CDH9: variants seen among roughly 807,000 people sequenced by gnomAD.
The protein encoded by CDH9 is cadherin-9.
Under a neutral mutation model 70.9 loss-of-function variants are expected in CDH9, and 28 were observed. That is an observed-to-expected ratio of 0.40 (90% CI 0.29 to 0.54). CDH9 has a LOEUF of 0.54. Among genes scored for constraint, CDH9 ranks in the 20% least tolerant of loss-of-function variants. CDH9 has a pLI of 0.59. For synonymous variants in CDH9, 409 were observed against 343.1 expected (o/e 1.19, Z -2.12); for missense variants, 874 against 984.4 (o/e 0.89, Z 1.50).
chr5:26,881,719 T>A, intron 11 of CDH9, 96 bp from the exon 12 acceptor site: 2 of 1,116,618 alleles, frequency 1.8e-6, no homozygotes, highest in Non-Finnish European at 2.5e-6. Context: ...CAGGAGATAT[T>A]AAGATTGATC....
At chr5:26,992,830 C>T (rs1742599253) in intron 1 of CDH9, among the ~76,000 whole-genome samples, 1 of 152,162 alleles carries the variant, frequency 6.6e-6, no homozygotes, top group South Asian at 2.1e-4. Flanking sequence ...GGCGTGGTGG[C>T]TCAGGCCTGT....
At chr5:26,983,690 C>T (rs1742440368) in intron 2 of CDH9, among the ~76,000 whole-genome samples, 1 of 151,188 alleles carries the variant, frequency 6.6e-6, no homozygotes, top group Non-Finnish European at 1.5e-5. Context: ...ATGTACTGCA[C>T]TATAAGTAAT....
chr5:26,965,129 G>C (rs13157502), intron 2 of CDH9, among the ~76,000 whole-genome samples: 9,556 of 152,040 alleles, frequency 0.063, 359 homozygotes, highest in Middle Eastern at 0.16. Flanking sequence ...AAGACTTTCA[G>C]AATATCATTT....
At chr5:26,920,906 C>A (rs1030636512) in intron 2 of CDH9, among the ~76,000 whole-genome samples, 1 of 152,160 alleles carries the variant, frequency 6.6e-6, no homozygotes, top group Admixed American at 6.5e-5. Flanking sequence ...GTCAAACAAG[C>A]ACAGACTGAA....
At chr5:26,946,351 A>C (rs927914712) in intron 2 of CDH9, among the ~76,000 whole-genome samples, 1 of 152,098 alleles carries the variant, frequency 6.6e-6, no homozygotes. Flanking sequence ...CATGTTTCTG[A>C]TTAATTTAAG....
At chr5:27,036,965 T>C (rs1743404302) in intron 1 of CDH9, among the ~76,000 whole-genome samples, 1 of 151,994 alleles carries the variant, frequency 6.6e-6, no homozygotes, top group Non-Finnish European at 1.5e-5. Flanking sequence ...AAAAGATCTA[T>C]GTTTCAAACC....
chr5:26,931,862 A>G (rs1244047738), intron 2 of CDH9, among the ~76,000 whole-genome samples: 2 of 152,114 alleles, frequency 1.3e-5, no homozygotes, highest in South Asian at 2.1e-4. Flanking sequence ...AAAATTTGCA[A>G]TCAGAAAATG....
At chr5:26,925,741 G>A (rs555012599) in intron 2 of CDH9, among the ~76,000 whole-genome samples, 3 of 152,182 alleles carry the variant, frequency 2.0e-5, no homozygotes, top group East Asian at 3.9e-4. Context: ...GTGTAAGGAA[G>A]GGATCCAGTT....
At chr5:26,914,946 G>A (rs1460050051) in intron 3 of CDH9, among the ~76,000 whole-genome samples, 1 of 151,948 alleles carries the variant, frequency 6.6e-6, no homozygotes, top group African/African-American at 2.4e-5. Context: ...GTTAAATGTA[G>A]TCATACACAT....
At chr5:26,999,530 G>A (rs1217209060) in intron 1 of CDH9, among the ~76,000 whole-genome samples, 1 of 152,132 alleles carries the variant, frequency 6.6e-6, no homozygotes, top group East Asian at 1.9e-4. Flanking sequence ...AGAAAGAACA[G>A]ACGATAGGGT....
At chr5:26,954,523 TA>T (rs1741911733) in intron 2 of CDH9, among the ~76,000 whole-genome samples, 8 of 150,950 alleles carry the variant, frequency 5.3e-5, no homozygotes, top group Admixed American at 1.3e-4. Flanking sequence ...TAGCTGGCAC[TA>T]CAGGTGCCCG....
At chr5:26,961,608 T>C (rs1369254163) in intron 2 of CDH9, among the ~76,000 whole-genome samples, 3 of 152,106 alleles carry the variant, frequency 2.0e-5, no homozygotes, top group African/African-American at 7.2e-5. Flanking sequence ...ATCTTGGTTG[T>C]TTTCCATGTA....
intron 1 of CDH9, among the ~76,000 whole-genome samples, chr5:27,003,594 T>C (rs564950583): frequency 6.6e-6 from 1 of 151,882 alleles, no homozygotes; most frequent in Non-Finnish European, 1.5e-5. Flanking sequence ...ATGAGCTCAG[T>C]GAAAACAAAA....
At chr5:26,973,109 G>A (rs557061389) in intron 2 of CDH9, among the ~76,000 whole-genome samples, 2 of 152,134 alleles carry the variant, frequency 1.3e-5, no homozygotes, top group African/African-American at 2.4e-5. Context: ...TGATCTGCCC[G>A]CCTCGGCCTC....
In CDH9 at chr5:26,881,048, G is replaced by T. The variant is rs995474277; in HGVS notation, c.*88C>A. On this transcript the variant is annotated 3_prime_UTR_variant, in exon 12 of 12. Transcript: ENST00000231021. ...TTGTTTGTAACTTCAATTTTTGAAA[G>T]ATTTCCTCCCAGGAAGAGAATGCAG... 19 of 1,277,612 alleles carry T rather than the reference G, an allele frequency of 1.5e-5. No homozygotes were observed. Among genetic ancestry groups the T allele is most frequent in the Non-Finnish European group, 1.9e-5 (18 of 927,118 alleles). 79.1% of individuals were successfully genotyped at this position (1,277,612 alleles called of 1,614,324 possible). A position where few individuals can be genotyped will look rare whatever the true frequency, so the allele number is the denominator to read the frequency against.
intron 2 of CDH9, among the ~76,000 whole-genome samples, chr5:26,935,941 T>C (rs527738489): frequency 6.6e-6 from 1 of 152,238 alleles, no homozygotes; most frequent in East Asian, 1.9e-4. Context: ...TGAAATAATG[T>C]CTTTCACAGC....
chr5:26,997,780 A>T (rs935629147), intron 1 of CDH9, among the ~76,000 whole-genome samples: 10 of 150,408 alleles, frequency 6.6e-5, no homozygotes, highest in African/African-American at 2.2e-4. Flanking sequence ...GCTCACCACA[A>T]CCTCTGCCTC....
chr5:26,954,539 T>C (rs1371419331), intron 2 of CDH9, among the ~76,000 whole-genome samples: 1 of 151,728 alleles, frequency 6.6e-6, no homozygotes, highest in Non-Finnish European at 1.5e-5. Flanking sequence ...TGCCCGCCAC[T>C]ACACCCAGCT....
intron 2 of CDH9, among the ~76,000 whole-genome samples, chr5:26,926,769 A>G (rs1280983179): frequency 1.3e-5 from 2 of 152,032 alleles, no homozygotes; most frequent in South Asian, 2.1e-4. Flanking sequence ...GGAACAGAAC[A>G]GAGGCCTCAG....
Sources: gnomAD v4.1 joint callset for allele counts (sites outside exome capture counted in the v4.1 genomes callset) on GRCh38, gnomAD v4.1.1 for gene constraint, MANE v1.5 for transcripts, NCBI Gene and HGNC (gene_info 2026-07-23, HGNC 2026-07-21) for gene names.